KCNH1: variants seen among roughly 807,000 people sequenced by gnomAD.
The protein encoded by KCNH1 is voltage-gated delayed rectifier potassium channel KCNH1.
In KCNH1, 27 loss-of-function variants were observed where a neutral mutation model predicts 69.2. The observed-to-expected ratio is 0.39, with a 90% CI of 0.29 to 0.54. The LOEUF is 0.54. KCNH1 is among the 20% of genes least tolerant of loss of function. KCNH1 has a pLI of 0.68. For synonymous variants in KCNH1, 456 were observed against 487.7 expected (o/e 0.93, Z 0.86); for missense variants, 798 against 1,261.6 (o/e 0.63, Z 5.57).
chr1:211,015,225 G>A (rs979795474), intron 6 of KCNH1, among the ~76,000 whole-genome samples: 2 of 152,194 alleles, frequency 1.3e-5, no homozygotes, highest in Non-Finnish European at 2.9e-5. Flanking sequence ...AAGCCAAGGA[G>A]TGAGCCACAC....
At chr1:210,933,369 G>T (rs530257770) in intron 6 of KCNH1, among the ~76,000 whole-genome samples, 2 of 152,066 alleles carry the variant, frequency 1.3e-5, no homozygotes, top group South Asian at 2.1e-4. Context: ...GTTGTGGGGT[G>T]GGGGGAGCGG....
intron 10 of KCNH1, among the ~76,000 whole-genome samples, chr1:210,709,854 C>A (rs1031135366): frequency 1.3e-5 from 2 of 152,116 alleles, no homozygotes; most frequent in East Asian, 1.9e-4. Flanking sequence ...AGATACTATT[C>A]GTCTGTACCG....
At chr1:210,978,684 CTAT>C (rs1558550770) in intron 6 of KCNH1, among the ~76,000 whole-genome samples, 1 of 152,168 alleles carries the variant, frequency 6.6e-6, no homozygotes, top group Non-Finnish European at 1.5e-5. Flanking sequence ...TTCCTGTTAA[CTAT>C]TATTACGCTT....
intron 6 of KCNH1, among the ~76,000 whole-genome samples, chr1:210,939,800 T>C (rs1340422579): frequency 6.6e-6 from 1 of 152,216 alleles, no homozygotes; most frequent in Non-Finnish European, 1.5e-5. Context: ...CCCAAGTATA[T>C]GTTCTTAACC....
chr1:210,948,350 T>C (rs922160943), intron 6 of KCNH1, among the ~76,000 whole-genome samples: 2 of 152,116 alleles, frequency 1.3e-5, no homozygotes, highest in South Asian at 4.1e-4. Flanking sequence ...AATATGGCTA[T>C]GTAAATTATG....
chr1:211,037,121 T>C (rs1021222825), intron 5 of KCNH1, among the ~76,000 whole-genome samples: 112 of 152,304 alleles, frequency 7.4e-4, no homozygotes, highest in African/African-American at 2.6e-3. Context: ...AAGTCCTCTA[T>C]TGTATTTTTA....
intron 6 of KCNH1, among the ~76,000 whole-genome samples, chr1:210,933,746 A>G (rs1236353176): frequency 1.3e-5 from 2 of 152,160 alleles, no homozygotes; most frequent in African/African-American, 4.8e-5. Flanking sequence ...ATTAGAGACT[A>G]TTATAAACAG....
chr1:210,700,790 G>A (rs1018028313), intron 10 of KCNH1, among the ~76,000 whole-genome samples: 1 of 152,068 alleles, frequency 6.6e-6, no homozygotes, highest in African/African-American at 2.4e-5. Flanking sequence ...GGTTGGCTCA[G>A]GTTATAGTTT....
At chr1:211,050,779 G>A (rs1289069741) in intron 5 of KCNH1, among the ~76,000 whole-genome samples, 2 of 152,094 alleles carry the variant, frequency 1.3e-5, no homozygotes, top group Admixed American at 6.5e-5. Flanking sequence ...CATGATCAAG[G>A]TAGAAAGGTG....
chr1:210,757,375 C>G (rs1036498160), intron 10 of KCNH1, among the ~76,000 whole-genome samples: 24 of 152,158 alleles, frequency 1.6e-4, no homozygotes, highest in African/African-American at 5.1e-4. Flanking sequence ...AGGTAAATTC[C>G]TACCCCTCTA....
intron 5 of KCNH1, among the ~76,000 whole-genome samples, chr1:211,057,569 G>T (rs914473718): frequency 6.6e-6 from 1 of 152,050 alleles, no homozygotes; most frequent in East Asian, 1.9e-4. Context: ...AGCCCAGGAG[G>T]TTAAGGTTGC....
At chr1:210,684,792 C>T (rs207461054) in intron 10 of KCNH1, among the ~76,000 whole-genome samples, 24 of 152,222 alleles carry the variant, frequency 1.6e-4, no homozygotes, top group African/African-American at 5.5e-4. Flanking sequence ...TGAACATAAA[C>T]TTGTCCTAAC....
At chr1:210,827,315 G>A (rs1236939894) in intron 7 of KCNH1, among the ~76,000 whole-genome samples, 2 of 151,708 alleles carry the variant, frequency 1.3e-5, no homozygotes, top group Admixed American at 6.6e-5. Flanking sequence ...TGGGCAACAG[G>A]GCGAGACTCC....
intron 10 of KCNH1, among the ~76,000 whole-genome samples, chr1:210,685,431 C>T (rs1340785044): frequency 6.6e-6 from 1 of 152,124 alleles, no homozygotes; most frequent in Admixed American, 6.5e-5. Flanking sequence ...AAAACCTGTC[C>T]CAGGGACTTG....
At chr1:211,078,917 C>CAAAAAAAAAA (rs769981174) in intron 5 of KCNH1, among the ~76,000 whole-genome samples, 3 of 83,038 alleles carry the variant, frequency 3.6e-5, no homozygotes, top group Non-Finnish European at 6.7e-5. Flanking sequence ...GACTCCGTCT[C>CAAAAAAAAAA]AAAAAAAAAA....
intron 10 of KCNH1, among the ~76,000 whole-genome samples, chr1:210,721,931 C>T (rs1423245014): frequency 1.3e-5 from 2 of 152,164 alleles, no homozygotes; most frequent in Non-Finnish European, 1.5e-5. Flanking sequence ...AGTTATTTGA[C>T]CTTCTGTTTC....
At chr1:210,718,595 CTT>C (rs1461337122) in intron 10 of KCNH1, among the ~76,000 whole-genome samples, 1 of 106,052 alleles carries the variant, frequency 9.4e-6, no homozygotes, top group Non-Finnish European at 1.8e-5. Context: ...AATACCAAGT[CTT>C]ATATAAATAA....
At chr1:211,119,860 G>C (rs948766841) in intron 1 of KCNH1, among the ~76,000 whole-genome samples, 11 of 152,194 alleles carry the variant, frequency 7.2e-5, no homozygotes, top group African/African-American at 2.7e-4. Flanking sequence ...AATGGAGAGA[G>C]AGATTTCAAT....
chr1:210,748,123 G>A (rs1683202328), intron 10 of KCNH1, among the ~76,000 whole-genome samples: 1 of 152,202 alleles, frequency 6.6e-6, no homozygotes, highest in African/African-American at 2.4e-5. Context: ...AGGTCCCAGG[G>A]TGATGCATCA....
Sources: allele counts gnomAD v4.1 joint callset (sites outside exome capture counted in the v4.1 genomes callset), GRCh38; gene constraint gnomAD v4.1.1; transcripts MANE v1.5; gene names NCBI Gene and HGNC (gene_info 2026-07-23, HGNC 2026-07-21).